The following TNRC6B variants were observed in gnomAD, a reference collection of about 807,000 sequenced individuals.
TNRC6B encodes the protein trinucleotide repeat-containing gene 6B protein.
A neutral mutation model predicts 203.6 loss-of-function variants in TNRC6B; 52 were observed. That is an observed-to-expected ratio of 0.26 (90% CI 0.20 to 0.32). TNRC6B has a LOEUF of 0.32. Among genes scored for constraint, TNRC6B ranks in the 10% least tolerant of loss-of-function variants. The pLI, the probability that TNRC6B is intolerant of heterozygous loss-of-function variation, is 1.00. For synonymous variants in TNRC6B, 838 were observed against 845.7 expected (o/e 0.99, Z 0.16); for missense variants, 1,923 against 2,286.2 (o/e 0.84, Z 3.24).
chr22:40,073,700 G>A (rs1267832295), intron 1 of TNRC6B, among the ~76,000 whole-genome samples: 1 of 151,706 alleles, frequency 6.6e-6, no homozygotes, highest in East Asian at 1.9e-4. Context: ...GATCTCTTAA[G>A]GCAAGGAGTT....
Position 40,323,733 on chromosome 22 carries a change from G to C in TNRC6B, c.*492G>C, listed in dbSNP as rs1183982063. The C allele has an allele frequency of 2.3e-5, 3 of 128,892 alleles. No homozygotes were observed. Among genetic ancestry groups the C allele is most frequent in the South Asian group, 3.1e-4 (1 of 3,268 alleles). The allele number at this position is 128,892 out of a possible 1,614,324, so 8.0% of individuals were successfully genotyped here. A position where few individuals can be genotyped will look rare whatever the true frequency, so the allele number is the denominator to read the frequency against. ...AATTCAAAAGAATTGTTGGGGGAGG[G>C]GGGAGGGAAGACTTGACGGAGCCTC... On this transcript the variant is annotated 3_prime_UTR_variant, in exon 23 of 23. Transcript: ENST00000454349.
intron 15 of TNRC6B, among the ~76,000 whole-genome samples, chr22:40,305,238 C>G (rs1373490588): frequency 6.6e-6 from 1 of 152,194 alleles, no homozygotes; most frequent in African/African-American, 2.4e-5. Flanking sequence ...TGTCTTACCT[C>G]TACTTGTACC....
intron 1 of TNRC6B, among the ~76,000 whole-genome samples, chr22:40,186,893 C>T (rs2146388274): frequency 6.6e-6 from 1 of 151,866 alleles, no homozygotes; most frequent in African/African-American, 2.4e-5. Context: ...ACTTTGAAAC[C>T]TGGTGTGTAT....
At position 40,117,243 on chromosome 22, in the gene TNRC6B, T is replaced by G. The variant is rs192191660; in HGVS notation, c.-47+115T>G. On this transcript the variant is annotated intron_variant, in intron 2 of 23. Coordinates refer to the TNRC6B transcript ENST00000301923. ...TTACCAAGTTCTTACAGAAAGATAT[T>G]TTTAAGGTGACCATCATACCAGCCC... 4.0e-3 allele frequency: 616 copies of G among 152,468 alleles called. 4 individuals are homozygous for G. Among genetic ancestry groups the G allele is most frequent in the Non-Finnish European group, 4.4e-3 (296 of 68,036 alleles). The allele number at this position is 152,468 out of a possible 1,614,324, so 9.4% of individuals were successfully genotyped here.
intron 4 of TNRC6B, among the ~76,000 whole-genome samples, chr22:40,165,093 TC>T (rs1435258995): frequency 7.1e-6 from 1 of 140,682 alleles, no homozygotes; most frequent in Non-Finnish European, 1.5e-5. Context: ...TCCCCCCGGC[TC>T]TTTTTTTTTT....
chr22:40,269,037 A>T (rs1045639240), intron 5 of TNRC6B, among the ~76,000 whole-genome samples: 7 of 150,712 alleles, frequency 4.6e-5, no homozygotes, highest in Non-Finnish European at 8.8e-5. Flanking sequence ...TACTTCGTAT[A>T]CTGTTCTTCA....
rs114483362 is a variant in TNRC6B, at chr22:40,226,476, C to T, written c.6-19539C>T. Among the ~76,000 whole-genome samples the T allele has an allele frequency of 2.0e-3, 310 of 152,224 alleles. 1 individual carries two copies. Among genetic ancestry groups the T allele is most frequent in the African/African-American group, 7.2e-3 (299 of 41,514 alleles). On this transcript the variant is annotated intron_variant, in intron 1 of 22. Coordinates refer to ENST00000454349, the MANE Select transcript of TNRC6B (RefSeq NM_001162501.2). ...CAGATCACTTGTTTGCAGTAGATAC[C>T]GTGTGATCTCAGGAGCAGAGTCCAC...
rs1445922996 is a variant in TNRC6B at position 40,281,189 on chromosome 22, C to T, written c.3482C>T (p.Ser1161Phe). ...GCTCCCTGCTCTCCCTTCTCCCCTT[C>T]TCCCAGCTACAAGCTGTCTCCCTCT... ...DEAPCSPFSP[S>F]PSYKLSPSGS... The change falls in exon 11 of 23, where the codon TCT becomes TTT. Residue 1161 changes from serine to phenylalanine, a missense_variant. Around this residue, in one of 8 missense-constraint regions of TNRC6B, gnomAD observed 599 missense variants for 656.5 expected, o/e 0.91. Coordinates refer to ENST00000454349, the MANE Select transcript of TNRC6B (RefSeq NM_001162501.2). 1.3e-6 allele frequency: 2 copies of T among 1,551,616 alleles called. No individual in the cohort carries two copies. The highest frequency in any genetic ancestry group is 1.7e-6 in the Non-Finnish European group (2 of 1,146,934).
intron 3 of TNRC6B, among the ~76,000 whole-genome samples, chr22:40,137,585 G>T (rs1031792375): frequency 6.6e-6 from 1 of 152,188 alleles, no homozygotes; most frequent in African/African-American, 2.4e-5. Flanking sequence ...AGAGATGTCT[G>T]TGAGACCCTG....
intron 1 of TNRC6B, among the ~76,000 whole-genome samples, chr22:40,075,823 G>A (rs2068008719): frequency 2.6e-5 from 4 of 151,886 alleles, no homozygotes; most frequent in Admixed American, 2.6e-4. Flanking sequence ...TTTAACTTAT[G>A]CAGTCTGCCT....
rs190843094 is a variant in TNRC6B at position 40,304,027 on chromosome 22, T to C, written c.4120+2694T>C. Among the ~76,000 whole-genome samples the C allele has an allele frequency of 4.6e-5, 7 of 152,382 alleles. No homozygotes were observed. In the East Asian group the frequency reaches 7.7e-4, roughly 17 times the overall value. ...TTGAATAGATTATTTGATGAAAATATATTTAAAGCATATATAGAAATTAAA... is the reference window on the plus strand; with the variant it reads ...TTGAATAGATTATTTGATGAAAATACATTTAAAGCATATATAGAAATTAAA... On this transcript the variant is annotated intron_variant, in intron 15 of 22. Transcript: ENST00000454349.
At chr22:40,306,954 C>T (rs2071094390) in intron 15 of TNRC6B, among the ~76,000 whole-genome samples, 2 of 152,196 alleles carry the variant, frequency 1.3e-5, no homozygotes, top group African/African-American at 4.8e-5. Context: ...TGCCACTGCA[C>T]TCCAGCCTGG....
chr22:40,239,938 A>G (rs1310279143), intron 1 of TNRC6B, among the ~76,000 whole-genome samples: 4 of 151,900 alleles, frequency 2.6e-5, no homozygotes, highest in African/African-American at 9.7e-5. Flanking sequence ...CCCAGGTTCA[A>G]ATGACTCTCC....
chr22:40,263,318 A>T (rs1177260080), intron 4 of TNRC6B, among the ~76,000 whole-genome samples: 1 of 152,162 alleles, frequency 6.6e-6, no homozygotes, highest in Admixed American at 6.5e-5. Context: ...CAGAGTAAGG[A>T]TGGAAAGAAA....
At chr22:40,239,354 G>A (rs1042007261) in intron 1 of TNRC6B, among the ~76,000 whole-genome samples, 5 of 152,164 alleles carry the variant, frequency 3.3e-5, no homozygotes, top group South Asian at 2.1e-4. Context: ...CAGCCATGCC[G>A]CAGAAAGTCA....
At position 40,230,567 on chromosome 22, in the gene TNRC6B, C is replaced by G. The variant is rs2069855623; in HGVS notation, c.6-15448C>G. ...TCGGCCTCCAAGAGTGCTGGGATTA[C>G]AAGTGTGAGCCACCATGCCCGGCCT... On this transcript the variant is annotated intron_variant, in intron 1 of 22. Coordinates refer to ENST00000454349, the MANE Select transcript of TNRC6B (RefSeq NM_001162501.2). Among the ~76,000 whole-genome samples, 3 of 152,108 alleles carry G rather than the reference C, an allele frequency of 2.0e-5. No homozygotes were observed. In the South Asian group the frequency reaches 6.2e-4, roughly 32 times the overall value.
chr22:40,306,876 T>C (rs2071093245), intron 15 of TNRC6B, among the ~76,000 whole-genome samples: 1 of 152,056 alleles, frequency 6.6e-6, no homozygotes, highest in Non-Finnish European at 1.5e-5. Context: ...TAGTCCCAGC[T>C]ACTCAGGAGG....
intron 15 of TNRC6B, among the ~76,000 whole-genome samples, chr22:40,301,924 T>C (rs2071029138): frequency 6.6e-6 from 1 of 152,214 alleles, no homozygotes; most frequent in African/African-American, 2.4e-5. Context: ...ATTTAAATGC[T>C]TGTGCATGCT....
At chr22:40,171,030 C>G (rs544299334) in intron 4 of TNRC6B, among the ~76,000 whole-genome samples, 5 of 79,664 alleles carry the variant, frequency 6.3e-5, no homozygotes, top group Non-Finnish European at 8.8e-5. Context: ...ACATATACAC[C>G]TATATAGGTG....
Sources: gnomAD v4.1 joint callset for allele counts (sites outside exome capture counted in the v4.1 genomes callset) on GRCh38, gnomAD v4.1.1 for gene constraint, gnomAD v4.1.1 regional missense constraint, MANE v1.5 for transcripts, NCBI Gene and HGNC (gene_info 2026-07-23, HGNC 2026-07-21) for gene names.